The following PIK3AP1 variants were observed in gnomAD, a reference collection of about 807,000 sequenced individuals.
PIK3AP1 encodes phosphoinositide-3-kinase adaptor protein 1.
In PIK3AP1, 21 loss-of-function variants were observed where a neutral mutation model predicts 88.1. The observed-to-expected ratio is 0.24, with a 90% confidence interval of 0.17 to 0.34. The LOEUF (loss-of-function observed/expected upper bound fraction) is 0.34. Among genes scored for constraint, PIK3AP1 ranks in the 10% least tolerant of loss-of-function variants. The probability of loss-of-function intolerance (pLI) is 1.00; values close to 1 mark genes in which losing one functional copy is unlikely to be tolerated. For missense variants in PIK3AP1, 828 were observed against 1,035.7 expected (o/e 0.80, Z 2.75); for synonymous variants, 398 against 400.0 (o/e 1.00, Z 0.06).
At chr10:96,719,493 C>G (rs117344006) in intron 1 of PIK3AP1, among the ~76,000 whole-genome samples, 2,966 of 152,264 alleles carry the variant, frequency 0.019, 48 homozygotes, top group Middle Eastern at 0.051. Flanking sequence ...CTAGTAATTC[C>G]TTGTTTACTT....
intron 2 of PIK3AP1, among the ~76,000 whole-genome samples, chr10:96,665,863 G>A (rs1843753623): frequency 6.6e-6 from 1 of 152,100 alleles, no homozygotes; most frequent in Non-Finnish European, 1.5e-5. Context: ...AAATGTGGTG[G>A]GAGATCCAAG....
At chr10:96,682,306 G>C (rs575215877) in intron 2 of PIK3AP1, among the ~76,000 whole-genome samples, 1 of 151,840 alleles carries the variant, frequency 6.6e-6, no homozygotes, top group South Asian at 2.1e-4. Context: ...CTTCTTGCTG[G>C]TAAGAGCGGG....
chr10:96,672,203 T>C (rs563871607), intron 2 of PIK3AP1, among the ~76,000 whole-genome samples: 44 of 152,308 alleles, frequency 2.9e-4, no homozygotes, highest in Admixed American at 9.1e-4. Context: ...GCAGGTGGGC[T>C]CACTCATCAT....
intron 6 of PIK3AP1, among the ~76,000 whole-genome samples, chr10:96,649,562 G>C (rs1375895866): frequency 6.6e-6 from 1 of 152,212 alleles, no homozygotes; most frequent in African/African-American, 2.4e-5. Context: ...CTGATTAAAA[G>C]AAAGCAGTTC....
At chr10:96,641,114 T>C (rs1564966168) in intron 8 of PIK3AP1, among the ~76,000 whole-genome samples, 1 of 122,626 alleles carries the variant, frequency 8.2e-6, no homozygotes, top group Non-Finnish European at 2.0e-5. Flanking sequence ...TGTGTGTGTG[T>C]GTGTGTGTGT....
At chr10:96,607,009 T>C (rs1354174996) in intron 14 of PIK3AP1, among the ~76,000 whole-genome samples, 1 of 152,268 alleles carries the variant, frequency 6.6e-6, no homozygotes, top group Non-Finnish European at 1.5e-5. Flanking sequence ...TTGAAATTTT[T>C]GTTCTCTTAA....
intron 11 of PIK3AP1, among the ~76,000 whole-genome samples, chr10:96,622,447 G>C (rs1210569524): frequency 6.6e-6 from 1 of 152,182 alleles, no homozygotes; most frequent in Non-Finnish European, 1.5e-5. Flanking sequence ...TGGGCATTGT[G>C]ACTCAGGGAC....
intron 2 of PIK3AP1, among the ~76,000 whole-genome samples, chr10:96,683,717 C>T (rs531995669): frequency 1.4e-4 from 22 of 152,306 alleles, no homozygotes; most frequent in African/African-American, 5.1e-4. Flanking sequence ...ATTCATCAAG[C>T]ATTTATTGAG....
intron 8 of PIK3AP1, among the ~76,000 whole-genome samples, chr10:96,642,462 A>AAG (rs2134225133): frequency 1.0e-5 from 1 of 100,074 alleles, no homozygotes; most frequent in East Asian, 3.0e-4. Context: ...AAGAAAGAAA[A>AAG]AAAGAGAAAG....
intron 16 of PIK3AP1, among the ~76,000 whole-genome samples, chr10:96,601,946 T>C (rs899285768): frequency 1.3e-5 from 2 of 152,174 alleles, no homozygotes; most frequent in African/African-American, 2.4e-5. Flanking sequence ...TGCAGTGGCA[T>C]GATCTCGGCT....
At position 96,631,352 on chromosome 10, in the gene PIK3AP1, T is replaced by C. The variant is rs569349105; in HGVS notation, c.1376-2859A>G. Among the ~76,000 whole-genome samples the C allele has an allele frequency of 1.3e-4, 20 of 152,334 alleles. No individual in the cohort carries two copies. In the South Asian group the frequency reaches 3.9e-3, roughly 30 times the overall value. ...TAAAAGCCTCATGCAATGGTCCAGCTATTTTCACTAACAACGTTCAATTTG... is the reference window on the plus strand; with the variant it reads ...TAAAAGCCTCATGCAATGGTCCAGCCATTTTCACTAACAACGTTCAATTTG... On this transcript the variant is annotated intron_variant, in intron 8 of 16. Transcript: ENST00000339364.
In PIK3AP1 at chr10:96,700,911, A is replaced by T. The variant is rs1358065009; in HGVS notation, c.430+8656T>A. 3.1e-6 allele frequency: 3 copies of T among 982,350 alleles called. No individual in the cohort carries two copies. The East Asian group carries it at 3.5e-4, about 113-fold the overall frequency. 60.9% of individuals were successfully genotyped at this position (982,350 alleles called of 1,614,324 possible). On this transcript the variant is annotated intron_variant, in intron 2 of 16. Coordinates refer to ENST00000339364, the MANE Select transcript of PIK3AP1 (RefSeq NM_152309.3). ...CTGCTGCCTGTGACGCGCCAAGGCC[A>T]GGCTCTGAGCCCCTTGGGACTACTG...
At chr10:96,629,930 A>AGAAGAAGAAG (rs1554955593) in intron 8 of PIK3AP1, among the ~76,000 whole-genome samples, 1 of 13,724 alleles carries the variant, frequency 7.3e-5, no homozygotes, top group African/African-American at 1.8e-4. Flanking sequence ...AAAAAAAAAA[A>AGAAGAAGAAG]AAGAAGAAGA....
intron 7 of PIK3AP1, among the ~76,000 whole-genome samples, 165 bp downstream of exon 7, chr10:96,648,494 T>C (rs1347777464): frequency 6.6e-6 from 1 of 152,204 alleles, no homozygotes; most frequent in Non-Finnish European, 1.5e-5. Context: ...CCCAGGTCCA[T>C]GTGACTCCAG....
intron 14 of PIK3AP1, 55 bp downstream of exon 14, chr10:96,609,657 G>T: frequency 1.3e-6 from 2 of 1,581,182 alleles, no homozygotes; most frequent in South Asian, 2.3e-5. Flanking sequence ...AGGTCCAAGG[G>T]TGCCAGCTGG....
intron 8 of PIK3AP1, 24 bp from the exon 9 acceptor site, chr10:96,628,517 G>T: frequency 6.4e-7 from 1 of 1,555,086 alleles, no homozygotes; most frequent in Non-Finnish European, 8.9e-7. Flanking sequence ...GAGACTAAGA[G>T]TTATATATTG....
chr10:96,718,190 C>A (rs1844527315), intron 1 of PIK3AP1, among the ~76,000 whole-genome samples: 1 of 152,180 alleles, frequency 6.6e-6, no homozygotes. Context: ...AGGTTTCTTT[C>A]TGAGGTGATG....
At chr10:96,709,469 A>G in intron 2 of PIK3AP1, 98 bp downstream of exon 2, 2 of 1,410,036 alleles carry the variant, frequency 1.4e-6, no homozygotes, top group South Asian at 1.3e-5. Flanking sequence ...GTCTCTTAAC[A>G]TAGTGAGATC....
rs1349538421 is a variant in PIK3AP1, at chr10:96,645,645, G to C, written c.1203C>G (p.Leu401=). The C allele has an allele frequency of 1.2e-6, 2 of 1,603,122 alleles. No individual in the cohort carries two copies. The highest frequency in any genetic ancestry group is 2.7e-5 in the African/African-American group (2 of 74,168). ...IDEYVETVDM[L]KSHIKEELMH... ...TCAGTTCCTCTTTAATGTGACTCTT[G>C]AGCATGTCCACCGTTTCCTGAAAGA... Residue 401 remains leucine (L), a synonymous_variant, in exon 8 of 17, where the codon CTC becomes CTG. Coordinates refer to ENST00000339364, the MANE Select transcript of PIK3AP1 (RefSeq NM_152309.3).
Sources: allele counts gnomAD v4.1 joint callset (sites outside exome capture counted in the v4.1 genomes callset), GRCh38; gene constraint gnomAD v4.1.1; transcripts MANE v1.5; gene names NCBI Gene and HGNC (gene_info 2026-07-23, HGNC 2026-07-21).